RGS6: variants seen among roughly 807,000 people sequenced by gnomAD.
RGS6 encodes regulator of G protein signaling 6, also known as regulator of G-protein signaling 6.
A neutral mutation model predicts 78.5 loss-of-function variants in RGS6; 30 were observed. That is an observed-to-expected ratio of 0.38 (90% CI 0.29 to 0.52). RGS6 has a LOEUF of 0.52. Among genes scored for constraint, RGS6 ranks in the 20% least tolerant of loss-of-function variants. The probability of loss-of-function intolerance (pLI) is 0.85; values close to 1 mark genes in which losing one functional copy is unlikely to be tolerated. For missense variants in RGS6, 495 were observed against 609.7 expected (o/e 0.81, Z 1.98); for synonymous variants, 206 against 206.0 (o/e 1.00, Z 0.00).
At chr14:72,603,870 G>A in the RGS6 span, among the ~76,000 whole-genome samples, 57 of 152,296 alleles carry the variant, frequency 3.7e-4, no homozygotes, top group African/African-American at 1.1e-3. Flanking sequence ...AGAGTGGTTC[G>A]TTGTGAGAAA....
intron 2 of RGS6, among the ~76,000 whole-genome samples, chr14:72,193,523 T>G (rs903963981): frequency 2.6e-5 from 4 of 152,194 alleles, no homozygotes; most frequent in Admixed American, 2.0e-4. Context: ...CCTTGGGATA[T>G]GAGGTGAACA....
intron 2 of RGS6, among the ~76,000 whole-genome samples, chr14:72,331,248 CAAAA>C (rs55899915): frequency 4.7e-5 from 6 of 128,630 alleles, no homozygotes; most frequent in Admixed American, 1.6e-4. Context: ...CCCTGTCGTT[CAAAA>C]AAAAAAAAAA....
chr14:71,956,865 C>T (rs1277371804), intron 1 of RGS6, among the ~76,000 whole-genome samples: 1 of 151,966 alleles, frequency 6.6e-6, no homozygotes, highest in Non-Finnish European at 1.5e-5. Flanking sequence ...AATGATGGAG[C>T]CAGTGTGAAT....
intron 2 of RGS6, among the ~76,000 whole-genome samples, chr14:72,224,293 A>C (rs902560976): frequency 3.9e-5 from 6 of 152,120 alleles, no homozygotes; most frequent in Admixed American, 3.3e-4. Context: ...GGTGGCATGC[A>C]CCCAGTCTCA....
chr14:72,560,293 A>G (rs1462122271), intron 17 of RGS6, among the ~76,000 whole-genome samples: 1 of 152,164 alleles, frequency 6.6e-6, no homozygotes, highest in Non-Finnish European at 1.5e-5. Flanking sequence ...CTAAAAGGAG[A>G]GCAAACTTCC....
At chr14:72,369,426 A>C (rs1330121375) in intron 3 of RGS6, among the ~76,000 whole-genome samples, 1 of 152,186 alleles carries the variant, frequency 6.6e-6, no homozygotes, top group Non-Finnish European at 1.5e-5. Flanking sequence ...CAGAACTGTG[A>C]GATAATAAAT....
At position 72,232,235 on chromosome 14, in the gene RGS6, A is replaced by G. The variant is rs139428231; in HGVS notation, c.85-119860A>G. Reference sequence around the variant, plus strand: ...GTCTGGAGGGGTCTGCTGTGTTGACATGGAACTTCTTCAAGATGGAGACAG... The same window carrying G: ...GTCTGGAGGGGTCTGCTGTGTTGACGTGGAACTTCTTCAAGATGGAGACAG... On this transcript the variant is annotated intron_variant, in intron 2 of 17. Coordinates refer to ENST00000553525, the MANE Select transcript of RGS6 (RefSeq NM_001204424.2). Among the ~76,000 whole-genome samples, 141 of 152,268 alleles carry G rather than the reference A, an allele frequency of 9.3e-4. 2 individuals carry two copies. Among genetic ancestry groups the G allele is most frequent in the Middle Eastern group, 3.4e-3 (1 of 294 alleles).
At chr14:71,942,594 G>A (rs527925509) in intron 1 of RGS6, among the ~76,000 whole-genome samples, 2 of 152,314 alleles carry the variant, frequency 1.3e-5, no homozygotes, top group Admixed American at 1.3e-4. Flanking sequence ...TCAGAAGTAA[G>A]ATCCAGGCCT....
rs377364178 is a variant in RGS6 at position 72,562,402 on chromosome 14, G to C, written c.1423-15G>C. 3 of 1,611,526 alleles carry C rather than the reference G, an allele frequency of 1.9e-6. No homozygotes were observed. The highest frequency in any genetic ancestry group is 1.7e-6 in the Non-Finnish European group (2 of 1,179,600). On this transcript the variant is annotated splice_polypyrimidine_tract_variant and intron_variant, in intron 17 of 17. Transcript: ENST00000553525. ...GTGCGCCTGTGCGTGCCTCTCTGTC[G>C]CTGTCTCTCTGCAGGGAAAGTCGCT...
chr14:71,896,374 A>G, the RGS6 span, among the ~76,000 whole-genome samples: 1 of 152,162 alleles, frequency 6.6e-6, no homozygotes, highest in East Asian at 1.9e-4. Context: ...CATAAAGGGT[A>G]ACTTCCTGAT....
intron 15 of RGS6, among the ~76,000 whole-genome samples, chr14:72,533,866 C>A (rs1023784381): frequency 1.3e-5 from 2 of 152,180 alleles, no homozygotes; most frequent in African/African-American, 4.8e-5. Context: ...AAAGTGGTTT[C>A]TTGAGATGGA....
intron 14 of RGS6, chr14:72,511,662 GA>G (rs2096879603): frequency 6.6e-6 from 1 of 152,248 alleles, no homozygotes; most frequent in African/African-American, 2.4e-5. Flanking sequence ...GAAGAAGCAG[GA>G]GAGAGAATAT....
chr14:72,375,869 A>G (rs2084581043), intron 3 of RGS6, among the ~76,000 whole-genome samples: 1 of 152,182 alleles, frequency 6.6e-6, no homozygotes, highest in Non-Finnish European at 1.5e-5. Context: ...AAATGAATAA[A>G]TCTTTTCCTA....
chr14:72,461,765 A>T (rs2095788866), intron 6 of RGS6, among the ~76,000 whole-genome samples: 1 of 152,228 alleles, frequency 6.6e-6, no homozygotes, highest in Admixed American at 6.5e-5. Context: ...GTATTTATGA[A>T]GAGAGAATCC....
intron 4 of RGS6, among the ~76,000 whole-genome samples, chr14:72,456,411 TC>T (rs2095632227): frequency 6.6e-6 from 1 of 152,208 alleles, no homozygotes; most frequent in Non-Finnish European, 1.5e-5. Context: ...CACCTCAGTC[TC>T]CCGAGTAGCT....
intron 2 of RGS6, among the ~76,000 whole-genome samples, chr14:72,120,325 G>A (rs963391907): frequency 6.6e-6 from 1 of 152,170 alleles, no homozygotes; most frequent in Admixed American, 6.6e-5. Flanking sequence ...AAATGCCCCA[G>A]CTACAAAACA....
chr14:72,293,392 G>A (rs765977128), intron 2 of RGS6, among the ~76,000 whole-genome samples: 34 of 152,156 alleles, frequency 2.2e-4, no homozygotes, highest in Non-Finnish European at 3.8e-4. Context: ...GGTGCAGGAT[G>A]TTCTTCAAAT....
At chr14:72,504,399 A>C (rs1280804539) in intron 13 of RGS6, among the ~76,000 whole-genome samples, 1 of 152,196 alleles carries the variant, frequency 6.6e-6, no homozygotes, top group Non-Finnish European at 1.5e-5. Flanking sequence ...TCCTCAGCTA[A>C]ATATTTAATT....
At chr14:71,924,704 T>C in the RGS6 span, among the ~76,000 whole-genome samples, 1 of 152,236 alleles carries the variant, frequency 6.6e-6, no homozygotes, top group African/African-American at 2.4e-5. Context: ...GTTTCATTCA[T>C]GTAGTAGCAA....
Sources: gnomAD v4.1 joint callset for allele counts (sites outside exome capture counted in the v4.1 genomes callset) on GRCh38, gnomAD v4.1.1 for gene constraint, MANE v1.5 for transcripts, NCBI Gene and HGNC (gene_info 2026-07-23, HGNC 2026-07-21) for gene names.